RPSA2: variants seen among roughly 807,000 people sequenced by gnomAD.
RPSA2 encodes small ribosomal subunit protein uS2B.
the RPSA2 span, among the ~76,000 whole-genome samples, chr19:23,863,453 A>G: frequency 2.0e-5 from 3 of 151,334 alleles, no homozygotes; most frequent in Non-Finnish European, 4.4e-5. Context: ...AATCCCAGCT[A>G]GTGGGGAGGC....
the RPSA2 span, chr19:23,758,648 G>C: frequency 6.3e-7 from 1 of 1,584,224 alleles, no homozygotes; most frequent in Non-Finnish European, 8.7e-7. Flanking sequence ...CCTGGGCGAG[G>C]AGAACTCAGG....
chr19:23,862,231 T>A, the RPSA2 span, among the ~76,000 whole-genome samples: 11 of 152,262 alleles, frequency 7.2e-5, no homozygotes, highest in East Asian at 2.1e-3. Flanking sequence ...TGATTTTGTA[T>A]CCTGAGACAT....
the RPSA2 span, among the ~76,000 whole-genome samples, chr19:23,794,679 CTTTAG>C: frequency 2.3e-4 from 35 of 152,186 alleles, no homozygotes; most frequent in East Asian, 2.5e-3. Flanking sequence ...TGAAGAAGCT[CTTTAG>C]TTTAATTAGG....
At chr19:23,778,995 C>CGTTTT in the RPSA2 span, among the ~76,000 whole-genome samples, 2 of 80,696 alleles carry the variant, frequency 2.5e-5, no homozygotes, top group African/African-American at 1.0e-4. Flanking sequence ...TTTTGTGACA[C>CGTTTT]TTTTTTTTTT....
the RPSA2 span, chr19:23,832,481 T>C: frequency 2.0e-6 from 1 of 497,008 alleles, no homozygotes; most frequent in Non-Finnish European, 3.8e-6. Context: ...AACAAATCTA[T>C]GTGGCAAACC....
chr19:23,796,241 T>A, the RPSA2 span, among the ~76,000 whole-genome samples: 1 of 152,356 alleles, frequency 6.6e-6, no homozygotes, highest in South Asian at 2.1e-4. Flanking sequence ...CTGTCTTTAG[T>A]TCTGTTTATG....
chr19:23,862,519 A>G, the RPSA2 span, among the ~76,000 whole-genome samples: 3 of 151,882 alleles, frequency 2.0e-5, no homozygotes, highest in Non-Finnish European at 4.4e-5. Flanking sequence ...TGGGTTTGTC[A>G]TAGATAGCTC....
chr19:23,870,358 G>A, the RPSA2 span, among the ~76,000 whole-genome samples: 3 of 151,610 alleles, frequency 2.0e-5, no homozygotes, highest in Non-Finnish European at 4.4e-5. Context: ...TCTGTGGTTA[G>A]GGGAACAAGT....
chr19:23,849,333 TAGAGGG>T, the RPSA2 span, among the ~76,000 whole-genome samples: 147,944 of 152,116 alleles, frequency 0.97, 72,030 homozygotes, highest in East Asian at 1. Context: ...GCCAAAGAGG[TAGAGGG>T]GCATACCTGG....
At chr19:23,849,458 G>A in the RPSA2 span, among the ~76,000 whole-genome samples, 5 of 152,284 alleles carry the variant, frequency 3.3e-5, no homozygotes, top group South Asian at 2.1e-4. Flanking sequence ...TCATGGATGC[G>A]AGGGGCAGCA....
chr19:23,832,918 C>A, the RPSA2 span: 1 of 1,539,542 alleles, frequency 6.5e-7, no homozygotes, highest in Admixed American at 1.8e-5. Context: ...ATCTTTTAAC[C>A]TGTCTTCAAG....
At chr19:23,869,713 C>T in the RPSA2 span, among the ~76,000 whole-genome samples, 1 of 152,288 alleles carries the variant, frequency 6.6e-6, no homozygotes, top group East Asian at 1.9e-4. Flanking sequence ...ACCTCTTCCT[C>T]AGTGGCATTA....
At chr19:23,809,786 T>C in the RPSA2 span, among the ~76,000 whole-genome samples, 2 of 152,184 alleles carry the variant, frequency 1.3e-5, no homozygotes, top group Non-Finnish European at 2.9e-5. Flanking sequence ...AGCAATGTTT[T>C]ACTTTTGGTC....
chr19:23,789,023 C>CTTT, the RPSA2 span, among the ~76,000 whole-genome samples: 16,433 of 129,366 alleles, frequency 0.13, 1,430 homozygotes, highest in East Asian at 0.25. Flanking sequence ...TTCTTTCTTT[C>CTTT]TTTTTTTTTT....
chr19:23,810,798 G>T, the RPSA2 span, among the ~76,000 whole-genome samples: 1 of 152,124 alleles, frequency 6.6e-6, no homozygotes, highest in South Asian at 2.1e-4. Context: ...CTGTGACTGG[G>T]AAGAGTTTGG....
chr19:23,809,190 A>C, the RPSA2 span: 2 of 152,340 alleles, frequency 1.3e-5, no homozygotes, highest in Non-Finnish European at 2.9e-5. Flanking sequence ...TCTGAAATGC[A>C]CGAGAGTGAC....
the RPSA2 span, chr19:23,832,514 A>G: frequency 3.3e-6 from 2 of 612,594 alleles, no homozygotes; most frequent in Non-Finnish European, 5.3e-6. Flanking sequence ...CTCAAACCTT[A>G]CTATATATAA....
At chr19:23,829,078 C>T in the RPSA2 span, among the ~76,000 whole-genome samples, 7 of 152,030 alleles carry the variant, frequency 4.6e-5, no homozygotes, top group Non-Finnish European at 7.4e-5. Flanking sequence ...TACTTTCTGA[C>T]TTAAGATGTA....
chr19:23,857,604 C>T, the RPSA2 span, among the ~76,000 whole-genome samples: 2 of 149,920 alleles, frequency 1.3e-5, no homozygotes, highest in South Asian at 2.1e-4. Flanking sequence ...GATTCTCCTG[C>T]CTCAGCCTCC....
Sources: allele counts gnomAD v4.1 joint callset (sites outside exome capture counted in the v4.1 genomes callset), GRCh38; gene constraint gnomAD v4.1.1; transcripts MANE v1.5; gene names NCBI Gene and HGNC (gene_info 2026-07-23, HGNC 2026-07-21).